Variants in CACNA1E observed in about 807,000 individuals in gnomAD.
CACNA1E encodes calcium voltage-gated channel subunit alpha1 E, also known as voltage-dependent R-type calcium channel subunit alpha-1E.
A neutral mutation model predicts 259.2 loss-of-function variants in CACNA1E; 40 were observed. The ratio of observed to expected loss-of-function variants is 0.15; its 90% CI spans 0.12 to 0.20. The LOEUF is 0.20. CACNA1E is among the 10% of genes least tolerant of loss of function. The pLI is 1.00. For synonymous variants in CACNA1E, 1,104 were observed against 1,138.5 expected (o/e 0.97, Z 0.61); for missense variants, 1,874 against 3,040.1 (o/e 0.62, Z 9.02).
intron 1 of CACNA1E, among the ~76,000 whole-genome samples, chr1:181,508,954 G>A (rs1490931794): frequency 2.6e-5 from 4 of 152,112 alleles, no homozygotes; most frequent in African/African-American, 9.7e-5. Flanking sequence ...GAACCTCAGG[G>A]CAGCAGAGGC....
Position 181,736,282 on chromosome 1 carries a change from C to T in CACNA1E, c.3270C>T (p.Asn1090=), listed in dbSNP as rs768466014. The T allele has an allele frequency of 4.9e-5, 78 of 1,588,310 alleles. No individual in the cohort carries two copies. The highest frequency in any genetic ancestry group is 1.1e-4 in the Admixed American group (6 of 56,022). The change falls in exon 22 of 48, where the codon AAC becomes AAT. Residue 1090 remains asparagine, a synonymous_variant. Transcript: ENST00000367573. ...LVDSTVVHIS[N]KTDGEASPLK... is the part of the protein sequence containing the mutation. ...AACGTGTTCCTCTTGCAGTTAGCAA[C>T]AAGACGGATGGGGAAGCCAGTCCCT...
intron 1 of CACNA1E, among the ~76,000 whole-genome samples, chr1:181,488,514 T>A (rs1571995785): frequency 6.6e-6 from 1 of 152,220 alleles, no homozygotes; most frequent in Non-Finnish European, 1.5e-5. Context: ...CTGTTGGCTT[T>A]GCTTTTGATA....
chr1:181,737,646 C>G lies in CACNA1E; in HGVS notation c.3544C>G (p.Arg1182Gly), dbSNP rs759093976. The change falls in exon 23 of 48, where the codon CGC (arginine) becomes GGC (glycine). Residue 1182 changes from arginine (R) to glycine (G), a missense_variant. Transcript: ENST00000367573. ...GGACCCCGTCCTGACCAACTCGGAG[C>G]GCAACAAAGTGGGTACACAGGGGCC... is the stretch of plus-strand genomic sequence containing the variant. ...AEDPVLTNSERNKVLRYFDYV... is the reference protein window; with the variant it reads ...AEDPVLTNSEGNKVLRYFDYV... 6.2e-7 allele frequency: 1 copy of G among 1,613,672 alleles called. No homozygotes were observed. The highest frequency in any genetic ancestry group is 8.5e-7 in the Non-Finnish European group (1 of 1,179,694).
chr1:181,458,235 G>A (rs1020953522), intron 2 of CACNA1E, among the ~76,000 whole-genome samples: 2 of 152,176 alleles, frequency 1.3e-5, no homozygotes, highest in African/African-American at 2.4e-5. Context: ...GGCAGGCCAC[G>A]GAGGCAGAAG....
chr1:181,634,505 A>G (rs772977413), intron 6 of CACNA1E, among the ~76,000 whole-genome samples: 1 of 152,232 alleles, frequency 6.6e-6, no homozygotes, highest in Non-Finnish European at 1.5e-5. Flanking sequence ...CAAACATAGC[A>G]ACAGCAATTA....
At chr1:181,573,824 C>T (rs1299874973) in intron 3 of CACNA1E, among the ~76,000 whole-genome samples, 1 of 152,192 alleles carries the variant, frequency 6.6e-6, no homozygotes, top group African/African-American at 2.4e-5. Context: ...GATACATACA[C>T]ATGTATGTTC....
At chr1:181,689,839 A>G (rs2102314801) in intron 7 of CACNA1E, among the ~76,000 whole-genome samples, 1 of 151,700 alleles carries the variant, frequency 6.6e-6, no homozygotes, top group Non-Finnish European at 1.5e-5. Context: ...TTTTTCTTGT[A>G]AATTTGTTTA....
chr1:181,576,863 A>G (rs1159179446), intron 3 of CACNA1E, among the ~76,000 whole-genome samples: 2 of 152,206 alleles, frequency 1.3e-5, no homozygotes, highest in African/African-American at 4.8e-5. Flanking sequence ...ATGTCATTTT[A>G]TTTTTATAAC....
At chr1:181,701,042 T>A (rs1652199008) in intron 7 of CACNA1E, among the ~76,000 whole-genome samples, 1 of 152,250 alleles carries the variant, frequency 6.6e-6, no homozygotes, top group South Asian at 2.1e-4. Context: ...GAAGAACCTT[T>A]TGGTGATGAA....
chr1:181,551,704 C>A (rs1399614949), intron 3 of CACNA1E, among the ~76,000 whole-genome samples: 2 of 152,050 alleles, frequency 1.3e-5, no homozygotes, highest in Non-Finnish European at 2.9e-5. Context: ...TTCAGATCGT[C>A]CAGTTCATCA....
At chr1:181,749,698 G>A (rs1572789155) in intron 25 of CACNA1E, among the ~76,000 whole-genome samples, 1 of 152,306 alleles carries the variant, frequency 6.6e-6, no homozygotes, top group East Asian at 1.9e-4. Flanking sequence ...AAATTTAGAA[G>A]TTGTCATTAT....
intron 2 of CACNA1E, among the ~76,000 whole-genome samples, chr1:181,425,055 G>A (rs766451676): frequency 2.0e-5 from 3 of 152,170 alleles, no homozygotes; most frequent in Admixed American, 6.5e-5. Context: ...GCCCTCTAGC[G>A]CCAGCTGCTC....
At chr1:181,456,183 C>G (rs1661452104) in intron 2 of CACNA1E, among the ~76,000 whole-genome samples, 1 of 151,896 alleles carries the variant, frequency 6.6e-6, no homozygotes, top group African/African-American at 2.4e-5. Flanking sequence ...GCTGATGGTA[C>G]CAGTGAGTGA....
Position 181,793,607 on chromosome 1 carries a change from G to T in CACNA1E, c.5899-58G>T, listed in dbSNP as rs1341096150. 1.9e-6 allele frequency: 3 copies of T among 1,574,284 alleles called. No homozygotes were observed. In the South Asian group the frequency reaches 3.6e-5, roughly 19 times the overall value. On this transcript the variant is annotated intron_variant, in intron 44 of 47. Transcript: ENST00000367573. ...GAGGAGGCTGAATTGTCCACTGGAC[G>T]TGAGAAGCAATGAGATGGAACCAAG...
intron 43 of CACNA1E, among the ~76,000 whole-genome samples, chr1:181,787,992 T>G (rs527752717): frequency 2.0e-5 from 3 of 152,338 alleles, no homozygotes; most frequent in Admixed American, 2.0e-4. Context: ...CAGAATCATG[T>G]GATCAGATGT....
chr1:181,525,690 T>A (rs1419396619), intron 3 of CACNA1E, among the ~76,000 whole-genome samples: 1 of 152,234 alleles, frequency 6.6e-6, no homozygotes, highest in Non-Finnish European at 1.5e-5. Context: ...CAAAGAAGGT[T>A]GAGAAGTCAG....
At chr1:181,429,461 C>T (rs1242913236) in intron 2 of CACNA1E, among the ~76,000 whole-genome samples, 2 of 152,202 alleles carry the variant, frequency 1.3e-5, no homozygotes, top group Non-Finnish European at 2.9e-5. Context: ...TCATCTCCAC[C>T]AGCATCTATG....
rs772876436 is a variant in CACNA1E, at chr1:181,554,243, G to A, written c.513-23523G>A. ...GCCCAGGCTGGTCTCGAACTCCTGA[G>A]CTCAAGTGATCCTCTCACCTCCGCT... On this transcript the variant is annotated intron_variant, in intron 3 of 47. Coordinates refer to ENST00000367573, the MANE Select transcript of CACNA1E (RefSeq NM_001205293.3). Among the ~76,000 whole-genome samples, 3 of 152,240 alleles carry A rather than the reference G, an allele frequency of 2.0e-5. No individual in the cohort carries two copies. The East Asian group carries it at 5.8e-4, about 29-fold the overall frequency.
chr1:181,359,931 C>G (rs1262526680), intron 1 of CACNA1E, among the ~76,000 whole-genome samples: 1 of 152,178 alleles, frequency 6.6e-6, no homozygotes, highest in Non-Finnish European at 1.5e-5. Context: ...CATGAATTCA[C>G]ACTGGCAGTT....
Sources: allele counts gnomAD v4.1 joint callset (sites outside exome capture counted in the v4.1 genomes callset), GRCh38; gene constraint gnomAD v4.1.1; transcripts MANE v1.5; gene names NCBI Gene and HGNC (gene_info 2026-07-23, HGNC 2026-07-21).